ST13: variants seen among roughly 807,000 people sequenced by gnomAD.
The protein encoded by ST13 is hsc70-interacting protein.
Under a neutral mutation model 56.7 loss-of-function variants are expected in ST13, and 23 were observed. That is an observed-to-expected ratio of 0.41 (90% confidence interval 0.29 to 0.57). The LOEUF is 0.57. Among genes scored for constraint, ST13 ranks in the 20% least tolerant of loss-of-function variants. ST13 has a pLI of 0.36. For missense variants in ST13, 369 were observed against 459.9 expected, an observed-to-expected ratio of 0.80 and a Z score of 1.81; for synonymous variants, 132 against 142.4, an observed-to-expected ratio of 0.93 and a Z score of 0.52.
chr22:40,838,286 GCTTTAGAATACTAATCTTTTATC>G (rs2057786944), intron 5 of ST13, among the ~76,000 whole-genome samples: 1 of 152,090 alleles, frequency 6.6e-6, no homozygotes, highest in East Asian at 1.9e-4. Flanking sequence ...CACAACCCCT[GCTTTAGAATACTAATCTTTTATC>G]CTTTAGAATA....
chr22:40,845,867 C>CT (rs1337631843), intron 3 of ST13, among the ~76,000 whole-genome samples: 1 of 152,026 alleles, frequency 6.6e-6, no homozygotes, highest in Non-Finnish European at 1.5e-5. Context: ...AACAACAAAA[C>CT]TTGACGCATG....
At chr22:40,851,174 T>A (rs1013249422) in intron 1 of ST13, among the ~76,000 whole-genome samples, 1 of 152,214 alleles carries the variant, frequency 6.6e-6, no homozygotes, top group African/African-American at 2.4e-5. Flanking sequence ...GGCAGATATG[T>A]CAACATGCAA....
chr22:40,843,115 G>A (rs1166341463), intron 4 of ST13, among the ~76,000 whole-genome samples: 1 of 152,044 alleles, frequency 6.6e-6, no homozygotes, highest in Non-Finnish European at 1.5e-5. Context: ...GTGAGACACT[G>A]TCTCAAAAAA....
rs371323187 is a variant in ST13 at position 40,830,914 on chromosome 22, G to A, written c.724C>T (p.Arg242Cys). ...AEHRRKYERK[R>C]EEREIKERIE... is the part of the protein sequence containing the mutation. Reference sequence around the variant, plus strand: ...CTTTCTTTGATCTCTCGCTCTTCACGTTTTCGCTCATACTTTCTCCGATGT... The same window carrying A: ...CTTTCTTTGATCTCTCGCTCTTCACATTTTCGCTCATACTTTCTCCGATGT... Residue 242 changes from arginine to cysteine, a missense_variant, in exon 9 of 12, where the codon CGT becomes TGT. Coordinates refer to ENST00000216218, the MANE Select transcript of ST13 (RefSeq NM_003932.5). 6.2e-6 allele frequency: 10 copies of A among 1,603,696 alleles called. No homozygotes were observed. The highest frequency in any genetic ancestry group is 2.2e-5 in the East Asian group (1 of 44,854).
chr22:40,855,448 CAA>C (rs1414939853), intron 1 of ST13, among the ~76,000 whole-genome samples: 1 of 152,188 alleles, frequency 6.6e-6, no homozygotes, highest in Non-Finnish European at 1.5e-5. Context: ...CTCTAAAAGA[CAA>C]AAGTCACTAA....
chr22:40,831,087 A>G, intron 8 of ST13, 131 bp from the exon 9 acceptor site: 1 of 635,968 alleles, frequency 1.6e-6, no homozygotes, highest in Non-Finnish European at 2.7e-6. Flanking sequence ...TTGTACAAAA[A>G]GACCTAACAC....
chr22:40,854,287 T>C (rs187135274), intron 1 of ST13, among the ~76,000 whole-genome samples: 6 of 152,320 alleles, frequency 3.9e-5, no homozygotes, highest in African/African-American at 1.4e-4. Context: ...CCTCAGAGTT[T>C]ATAAAAATCT....
intron 2 of ST13, 59 bp downstream of exon 2, chr22:40,850,764 A>C: frequency 7.5e-7 from 1 of 1,332,406 alleles, no homozygotes; most frequent in Non-Finnish European, 1.1e-6. Context: ...TTTAAAAACA[A>C]CCCCTAAGAA....
intron 1 of ST13, 90 bp downstream of exon 1, chr22:40,856,341 C>G: frequency 8.5e-7 from 1 of 1,176,364 alleles, no homozygotes; most frequent in Non-Finnish European, 1.3e-6. Context: ...GCGACCCCGC[C>G]TCGCCCGCCG....
At chr22:40,851,046 AT>A (rs2057858867) in intron 1 of ST13, among the ~76,000 whole-genome samples, 166 bp from the exon 2 acceptor site, 1 of 152,166 alleles carries the variant, frequency 6.6e-6, no homozygotes, top group Non-Finnish European at 1.5e-5. Context: ...TTATGGTTAA[AT>A]TTTTTCCAGC....
At chr22:40,849,775 T>C (rs2057851898) in intron 2 of ST13, among the ~76,000 whole-genome samples, 1 of 152,118 alleles carries the variant, frequency 6.6e-6, no homozygotes, top group Non-Finnish European at 1.5e-5. Context: ...TTTTGGGCTT[T>C]TGCTTACCTT....
chr22:40,848,146 T>A, intron 3 of ST13, 148 bp downstream of exon 3: 4 of 585,418 alleles, frequency 6.8e-6, no homozygotes. Flanking sequence ...TTCCTTTTAC[T>A]TTCTAAAATG....
In ST13 at chr22:40,856,585, C is replaced by A. The variant is rs1406765965; in HGVS notation, c.-45G>T. ...AAACTGGGGGGGCTACGGCCCGGTT[C>A]CAGGCCCAGGCGCTGGCTCGGCGTG... On this transcript the variant is annotated 5_prime_UTR_variant, in exon 1 of 12. Coordinates refer to ENST00000216218, the MANE Select transcript of ST13 (RefSeq NM_003932.5). 7.2e-6 allele frequency: 11 copies of A among 1,531,782 alleles called. No homozygotes were observed. The highest frequency in any genetic ancestry group is 9.9e-6 in the Non-Finnish European group (11 of 1,108,204). 94.9% of individuals were successfully genotyped at this position (1,531,782 alleles called of 1,614,324 possible).
At chr22:40,841,974 A>G (rs971664483) in intron 4 of ST13, among the ~76,000 whole-genome samples, 1 of 152,212 alleles carries the variant, frequency 6.6e-6, no homozygotes, top group African/African-American at 2.4e-5. Context: ...GTCTAACCAG[A>G]CACCTTCCAA....
At chr22:40,840,530 AC>A (rs1396890257) in intron 5 of ST13, 95 bp downstream of exon 5, 1 of 1,049,898 alleles carries the variant, frequency 9.5e-7, no homozygotes, top group African/African-American at 1.6e-5. Context: ...CCAGTATAGG[AC>A]AGGTACATGT....
At chr22:40,835,281 A>T in intron 7 of ST13, 1 of 240,036 alleles carries the variant, frequency 4.2e-6, no homozygotes, top group Non-Finnish European at 8.2e-6. Flanking sequence ...GGCCATATGT[A>T]GTCAAAAACT....
At chr22:40,844,546 GAT>G (rs2057821274) in intron 4 of ST13, among the ~76,000 whole-genome samples, 1 of 152,138 alleles carries the variant, frequency 6.6e-6, no homozygotes, top group South Asian at 2.1e-4. Flanking sequence ...TTTGGCATTA[GAT>G]ATTCCATCAA....
chr22:40,826,977 G>A, intron 11 of ST13, 119 bp downstream of exon 11: 1 of 1,157,928 alleles, frequency 8.6e-7, no homozygotes, highest in East Asian at 2.4e-5. Flanking sequence ...TGCATAATTA[G>A]CTATTTGGTA....
rs892458474 is a variant in ST13 at position 40,854,348 on chromosome 22, A to G, written c.110+2083T>C. Among the ~76,000 whole-genome samples, 81 of 152,234 alleles carry G rather than the reference A, an allele frequency of 5.3e-4. 1 individual carries two copies. The highest frequency in any genetic ancestry group is 2.1e-4 in the Non-Finnish European group (14 of 68,042). ...AAAAGCTTCTATATTAAATATCTCA[A>G]TTTAAGTTCAGAATAAAGTCCCTAC... On this transcript the variant is annotated intron_variant, in intron 1 of 11. Coordinates refer to ENST00000216218, the MANE Select transcript of ST13 (RefSeq NM_003932.5).
Sources: allele counts gnomAD v4.1 joint callset (sites outside exome capture counted in the v4.1 genomes callset), GRCh38; gene constraint gnomAD v4.1.1; transcripts MANE v1.5; gene names NCBI Gene and HGNC (gene_info 2026-07-23, HGNC 2026-07-21).